Variants in FAM149B1 observed in about 807,000 individuals in gnomAD.
FAM149B1 encodes the protein primary cilium assembly protein FAM149B1.
In FAM149B1, 56 loss-of-function variants were observed where a neutral mutation model predicts 75.3. The ratio of observed to expected loss-of-function variants is 0.74; its 90% CI spans 0.60 to 0.93. The LOEUF is 0.93. Among genes scored for constraint, FAM149B1 ranks in the 40% least tolerant of loss-of-function variants. The pLI, the probability that FAM149B1 is intolerant of heterozygous loss-of-function variation, is 0.00. For missense variants in FAM149B1, 639 were observed against 708.4 expected, an observed-to-expected ratio of 0.90 and a Z score of 1.11; for synonymous variants, 259 against 256.1, an observed-to-expected ratio of 1.01 and a Z score of -0.11.
At position 73,242,546 on chromosome 10, in the gene FAM149B1, T is replaced by C. The variant is rs1461156302; in HGVS notation, c.*1527T>C. The C allele has an allele frequency of 6.7e-6, 1 of 149,828 alleles. No individual in the cohort carries two copies. Among genetic ancestry groups the C allele is most frequent in the East Asian group, 2.1e-4 (1 of 4,732 alleles). The allele number at this position is 149,828 out of a possible 1,614,324, so 9.3% of individuals were successfully genotyped here. A position where few individuals can be genotyped will look rare whatever the true frequency, so the allele number is the denominator to read the frequency against. On this transcript the variant is annotated 3_prime_UTR_variant, in exon 14 of 14. Coordinates refer to ENST00000242505, the MANE Select transcript of FAM149B1 (RefSeq NM_173348.2). ...GTTTAATACATACAGTTTGACAAAT[T>C]TGGATTTCACTCTTTGTTTTGATGT...
chr10:73,174,544 G>A (rs773703387), intron 1 of FAM149B1, 143 bp from the exon 2 acceptor site: 167 of 556,142 alleles, frequency 3.0e-4, no homozygotes, highest in Non-Finnish European at 4.8e-4. Context: ...ATTCTGACTA[G>A]CCAGATTTTA....
chr10:73,191,379 C>G (rs1297310300), intron 3 of FAM149B1, among the ~76,000 whole-genome samples: 1 of 150,356 alleles, frequency 6.7e-6, no homozygotes, highest in Non-Finnish European at 1.5e-5. Flanking sequence ...TCTTGTTGCC[C>G]AGGCAGGAGT....
In FAM149B1 at chr10:73,234,855, C is replaced by T. The variant is rs749780762; in HGVS notation, c.1391C>T (p.Thr464Met). Reference sequence around the variant, plus strand: ...GACTCGCTCTCCTCTCCCTCACCGACGCCCCTGAGTCGAAATAATCTGCTA... The same window carrying T: ...GACTCGCTCTCCTCTCCCTCACCGATGCCCCTGAGTCGAAATAATCTGCTA... ...APDSLSSPSP[T>M]PLSRNNLLPP... The change falls in exon 11 of 14, where the codon ACG (threonine) becomes ATG (methionine). Residue 464 changes from threonine (T) to methionine (M), a missense_variant. Thr to Met is a moderately conservative substitution (Grantham distance 81, BLOSUM62 -1). Transcript: ENST00000242505. 8.9e-5 allele frequency: 138 copies of T among 1,551,608 alleles called. No homozygotes were observed. Among genetic ancestry groups the T allele is most frequent in the African/African-American group, 1.6e-4 (12 of 73,042 alleles).
intron 2 of FAM149B1, among the ~76,000 whole-genome samples, chr10:73,177,176 C>G (rs553063315): frequency 8.6e-5 from 13 of 151,792 alleles, no homozygotes; most frequent in African/African-American, 2.9e-4. Context: ...TGCATTCCAG[C>G]CTGGGTGACA....
intron 1 of FAM149B1, chr10:73,168,856 GGT>G (rs1475666344): frequency 1.3e-5 from 2 of 158,258 alleles, no homozygotes; most frequent in Non-Finnish European, 2.8e-5. Context: ...GCTTGAAGGT[GGT>G]AGAGCTGAGA....
chr10:73,207,018 G>A (rs555681199), intron 5 of FAM149B1, among the ~76,000 whole-genome samples: 4 of 152,352 alleles, frequency 2.6e-5, no homozygotes, highest in Admixed American at 2.0e-4. Flanking sequence ...AGGGCAAAGA[G>A]TGAAGGCTTG....
At position 73,239,327 on chromosome 10, in the gene FAM149B1, C is replaced by T. The variant is rs375530140; in HGVS notation, c.1618C>T (p.Arg540Cys). 109 of 1,551,558 alleles carry T rather than the reference C, an allele frequency of 7.0e-5. 1 individual carries two copies. In the African/African-American group the frequency reaches 8.9e-4, roughly 13 times the overall value. ...TGTCTTGTAGCTGGATACACAGTATCGTCGCTCATGTGCAGTTGAGTATCC... is the reference window on the plus strand; with the variant it reads ...TGTCTTGTAGCTGGATACACAGTATTGTCGCTCATGTGCAGTTGAGTATCC... ...TQSFLLDTQY[R>C]RSCAVEYPHQ... Residue 540 changes from arginine (R) to cysteine (C), a missense_variant, in exon 13 of 14, where the codon CGT becomes TGT. Coordinates refer to ENST00000242505, the MANE Select transcript of FAM149B1 (RefSeq NM_173348.2).
At chr10:73,187,948 T>G (rs1431978448) in intron 3 of FAM149B1, among the ~76,000 whole-genome samples, 3 of 151,850 alleles carry the variant, frequency 2.0e-5, no homozygotes, top group African/African-American at 7.3e-5. Flanking sequence ...CTGGGCACGG[T>G]GGTGCAGGCC....
intron 7 of FAM149B1, among the ~76,000 whole-genome samples, chr10:73,215,690 G>A (rs1156667946): frequency 6.6e-6 from 1 of 152,166 alleles, no homozygotes; most frequent in African/African-American, 2.4e-5. Flanking sequence ...GGAGCATGCT[G>A]TTTAATTTCC....
intron 5 of FAM149B1, among the ~76,000 whole-genome samples, chr10:73,198,500 C>A (rs2042858168): frequency 6.6e-6 from 1 of 151,988 alleles, no homozygotes; most frequent in South Asian, 2.1e-4. Context: ...TATAACCTAA[C>A]AACAACAAAA....
At chr10:73,229,280 T>G (rs2133397737) in intron 8 of FAM149B1, among the ~76,000 whole-genome samples, 1 of 152,052 alleles carries the variant, frequency 6.6e-6, no homozygotes, top group South Asian at 2.1e-4. Flanking sequence ...GGTGTTGGCA[T>G]ATTGGCCAGA....
intron 9 of FAM149B1, 158 bp downstream of exon 9, chr10:73,230,683 G>T (rs2043671144): frequency 1.8e-6 from 1 of 561,886 alleles, no homozygotes; most frequent in East Asian, 2.9e-5. Context: ...ACCATCAGGG[G>T]GCTGATAATG....
chr10:73,241,672 GTGA>G lies in FAM149B1; in HGVS notation c.*656_*658del, dbSNP rs1169209203. Reference sequence around the variant, plus strand: ...CCTTACGATGCCTACCTGATGCCAGGTGATGCTTATTTTCTTCCTAAAGTAGGT... The same window carrying G: ...CCTTACGATGCCTACCTGATGCCAGGTGCTTATTTTCTTCCTAAAGTAGGT... On this transcript the variant is annotated 3_prime_UTR_variant, in exon 14 of 14. Coordinates refer to ENST00000242505, the MANE Select transcript of FAM149B1 (RefSeq NM_173348.2). 1 of 152,222 alleles carries G rather than the reference GTGA, an allele frequency of 6.6e-6. No homozygotes were observed. The highest frequency in any genetic ancestry group is 1.5e-5 in the Non-Finnish European group (1 of 68,072). The allele number at this position is 152,222 out of a possible 1,614,324, so 9.4% of individuals were successfully genotyped here.
Position 73,224,841 on chromosome 10 carries a change from T to C in FAM149B1, c.899-3219T>C, listed in dbSNP as rs369362584. ...TTCTTTTTGGGGTGATAAAAAGTTA[T>C]TGAACTAGATAGAGGTAAGGGTTGC... On this transcript the variant is annotated intron_variant, in intron 7 of 13. Transcript: ENST00000242505. Among the ~76,000 whole-genome samples the C allele has an allele frequency of 6.2e-4, 95 of 152,274 alleles. 1 individual carries two copies. In the South Asian group the frequency reaches 0.019, roughly 31 times the overall value.
At chr10:73,224,187 A>AAAG (rs1022037394) in intron 7 of FAM149B1, among the ~76,000 whole-genome samples, 5 of 152,180 alleles carry the variant, frequency 3.3e-5, no homozygotes. Flanking sequence ...GGCTGGTGGT[A>AAAG]AAGATTTCAG....
At chr10:73,172,770 A>G (rs1334869596) in intron 1 of FAM149B1, among the ~76,000 whole-genome samples, 6 of 152,122 alleles carry the variant, frequency 3.9e-5, no homozygotes, top group Non-Finnish European at 7.4e-5. Flanking sequence ...TATAAGCCAC[A>G]TATGTAATTT....
At chr10:73,230,164 G>A (rs1160845771) in intron 8 of FAM149B1, 1 of 347,382 alleles carries the variant, frequency 2.9e-6, no homozygotes, top group Non-Finnish European at 5.4e-6. Context: ...CTGTAAGAGG[G>A]CTGTTAATTG....
rs899466963 is a variant in FAM149B1 at position 73,228,311 on chromosome 10, A to T, written c.1023+127A>T. ...GTTTTAGTACAGTTATGTGTTTATCATAATAATCCAGTGACTCTTCGCATT... is the reference window on the plus strand; with the variant it reads ...GTTTTAGTACAGTTATGTGTTTATCTTAATAATCCAGTGACTCTTCGCATT... On this transcript the variant is annotated intron_variant, in intron 8 of 13. Coordinates refer to ENST00000242505, the MANE Select transcript of FAM149B1 (RefSeq NM_173348.2). 12 of 724,614 alleles carry T rather than the reference A, an allele frequency of 1.7e-5. No individual in the cohort carries two copies. The African/African-American group carries it at 2.1e-4, about 13-fold the overall frequency. The allele number at this position is 724,614 out of a possible 1,614,324, so 44.9% of individuals were successfully genotyped here.
chr10:73,193,928 G>T (rs1287383951), intron 5 of FAM149B1, among the ~76,000 whole-genome samples: 1 of 152,150 alleles, frequency 6.6e-6, no homozygotes, highest in Non-Finnish European at 1.5e-5. Context: ...CCTTCTTGCT[G>T]GTGGGGATTC....
Sources: gnomAD v4.1 joint callset for allele counts (sites outside exome capture counted in the v4.1 genomes callset) on GRCh38, gnomAD v4.1.1 for gene constraint, MANE v1.5 for transcripts, NCBI Gene and HGNC (gene_info 2026-07-23, HGNC 2026-07-21) for gene names.